TMEM108: variants seen among roughly 807,000 people sequenced by gnomAD.
The protein encoded by TMEM108 is cancer/testis antigen 124.
Under a neutral mutation model 35.1 loss-of-function variants are expected in TMEM108, and 12 were observed. The ratio of observed to expected loss-of-function variants is 0.34; its 90% CI spans 0.22 to 0.55. The LOEUF (loss-of-function observed/expected upper bound fraction) is 0.55, where lower values mean the gene tolerates loss of function less well. TMEM108 is among the 20% of genes least tolerant of loss of function. TMEM108 has a pLI of 0.89. For missense variants in TMEM108, 680 were observed against 753.3 expected (o/e 0.90, Z 1.14); for synonymous variants, 287 against 308.6 (o/e 0.93, Z 0.73).
Position 133,380,514 on chromosome 3 carries a change from C to T in TMEM108, c.803C>T (p.Thr268Ile). The T allele has an allele frequency of 6.2e-7, 1 of 1,613,942 alleles. No individual in the cohort carries two copies. Among genetic ancestry groups the T allele is most frequent in the Non-Finnish European group, 8.5e-7 (1 of 1,179,980 alleles). ...AGCAATACCTCATGGGCACCCACCA[C>T]CACCTCCCTGGGGCCTGCAAAGGAC... ...VPSNTSWAPT[T>I]TSLGPAKDKP... Residue 268 changes from threonine (T) to isoleucine (I), a missense_variant, in exon 4 of 6, where the codon ACC (threonine) becomes ATC (isoleucine). Physicochemically the swap from Thr to Ile is moderately conservative, Grantham distance 89. Transcript: ENST00000321871. This position sits in a 1 kb window ranked among gnomAD's most constrained non-coding sequence, Gnocchi z 5.3.
At chr3:133,104,190 G>A (rs1944122232) in intron 2 of TMEM108, among the ~76,000 whole-genome samples, 1 of 151,934 alleles carries the variant, frequency 6.6e-6, no homozygotes, top group African/African-American at 2.4e-5. Context: ...CTATAAAATG[G>A]GATGATAATA....
chr3:133,089,725 G>A (rs940172175), intron 2 of TMEM108, among the ~76,000 whole-genome samples: 2 of 152,180 alleles, frequency 1.3e-5, no homozygotes, highest in East Asian at 1.9e-4. Context: ...GCTATCTCTT[G>A]TTTTCTGATT....
intron 3 of TMEM108, among the ~76,000 whole-genome samples, chr3:133,324,279 A>C (rs1441694383): frequency 6.6e-6 from 1 of 152,246 alleles, no homozygotes; most frequent in African/African-American, 2.4e-5. Flanking sequence ...TGCATCTGAC[A>C]AAGGACTACT....
chr3:133,125,426 A>G (rs1944402650), intron 2 of TMEM108, among the ~76,000 whole-genome samples: 1 of 152,172 alleles, frequency 6.6e-6, no homozygotes, highest in African/African-American at 2.4e-5. Context: ...GCTTTTAGCA[A>G]ATGTTGAACC....
intron 2 of TMEM108, among the ~76,000 whole-genome samples, chr3:133,111,843 A>C (rs1944228732): frequency 6.6e-6 from 1 of 152,146 alleles, no homozygotes; most frequent in Non-Finnish European, 1.5e-5. Context: ...GACTGTCATC[A>C]GTAAATGGAG....
chr3:133,300,983 C>CGT (rs1947215726), intron 3 of TMEM108, among the ~76,000 whole-genome samples: 3 of 1,402 alleles, frequency 2.1e-3, no homozygotes, highest in African/African-American at 2.5e-3. Context: ...AGTACACACA[C>CGT]ACACACACAC....
chr3:133,088,440 G>C (rs952931877), intron 2 of TMEM108, among the ~76,000 whole-genome samples: 1 of 152,232 alleles, frequency 6.6e-6, no homozygotes, highest in African/African-American at 2.4e-5. Flanking sequence ...GAAAGAGCAT[G>C]TGGGGTGGTA....
chr3:133,156,359 T>A (rs1576349891), intron 2 of TMEM108, among the ~76,000 whole-genome samples: 1 of 152,140 alleles, frequency 6.6e-6, no homozygotes, highest in Admixed American at 6.5e-5. Flanking sequence ...ACATGTATAG[T>A]ATATAGGAAG....
intron 2 of TMEM108, among the ~76,000 whole-genome samples, chr3:133,098,078 T>A (rs898345757): frequency 6.6e-6 from 1 of 152,158 alleles, no homozygotes. Context: ...GCAGCTTGTA[T>A]TAGTTCTTTT....
chr3:133,243,627 TCTC>T (rs753100244), intron 3 of TMEM108, among the ~76,000 whole-genome samples: 1 of 151,896 alleles, frequency 6.6e-6, no homozygotes, highest in Non-Finnish European at 1.5e-5. Context: ...TTCACGCCAT[TCTC>T]CTGCCTCAGC....
intron 2 of TMEM108, among the ~76,000 whole-genome samples, chr3:133,119,772 T>C (rs1944330330): frequency 6.6e-6 from 1 of 152,252 alleles, no homozygotes; most frequent in African/African-American, 2.4e-5. Flanking sequence ...TTTTAAAAAC[T>C]TGCCCATAAT....
At chr3:133,047,371 A>T (rs1425147229) in intron 2 of TMEM108, among the ~76,000 whole-genome samples, 2 of 152,248 alleles carry the variant, frequency 1.3e-5, no homozygotes. Flanking sequence ...CAGAAATAGC[A>T]CTTGGCTGGT....
At chr3:133,078,164 C>T (rs758570764) in intron 2 of TMEM108, among the ~76,000 whole-genome samples, 3,578 of 30,344 alleles carry the variant, frequency 0.12, 67 homozygotes, top group African/African-American at 0.14. Context: ...TGTGTGCACG[C>T]GCGCGCGCGC....
At chr3:133,084,199 C>T (rs746749394) in intron 2 of TMEM108, among the ~76,000 whole-genome samples, 8 of 152,106 alleles carry the variant, frequency 5.3e-5, no homozygotes, top group Non-Finnish European at 1.2e-4. Context: ...GTGTATTCAG[C>T]TTCAACATTT....
At chr3:133,069,432 C>G (rs1943650088) in intron 2 of TMEM108, among the ~76,000 whole-genome samples, 1 of 152,116 alleles carries the variant, frequency 6.6e-6, no homozygotes, top group African/African-American at 2.4e-5. Flanking sequence ...CTCAGGACTC[C>G]TTCGTTTCAG....
chr3:133,185,779 CTTTT>C (rs1945410187), intron 2 of TMEM108, among the ~76,000 whole-genome samples: 2 of 89,944 alleles, frequency 2.2e-5, no homozygotes, highest in African/African-American at 9.5e-5. Flanking sequence ...CTTTTCTTTT[CTTTT>C]CTTTTTTTTT....
At chr3:133,162,920 G>A (rs1944982046) in intron 2 of TMEM108, among the ~76,000 whole-genome samples, 1 of 152,194 alleles carries the variant, frequency 6.6e-6, no homozygotes, top group African/African-American at 2.4e-5. Context: ...ACAGTTTGCT[G>A]GGTATGTGGT....
At position 133,387,608 on chromosome 3, in the gene TMEM108, A is replaced by G. The variant is rs563864678; in HGVS notation, c.1451-2572A>G. 16 of 908,176 alleles carry G rather than the reference A, an allele frequency of 1.8e-5. No individual in the cohort carries two copies. The East Asian group carries it at 1.8e-3, about 101-fold the overall frequency. 56.3% of individuals were successfully genotyped at this position (908,176 alleles called of 1,614,324 possible). A position where few individuals can be genotyped will look rare whatever the true frequency, so the allele number is the denominator to read the frequency against. On this transcript the variant is annotated intron_variant, in intron 4 of 5. Transcript: ENST00000321871. ...CAGGTTAGCAGCATGGCCTTGAGCA[A>G]GTTCACCTCTCTAGGTTTCCATGCC...
intron 3 of TMEM108, among the ~76,000 whole-genome samples, chr3:133,318,735 G>A (rs1329134613): frequency 1.3e-5 from 2 of 152,136 alleles, no homozygotes; most frequent in South Asian, 2.1e-4. Flanking sequence ...ACTTAAGAGG[G>A]GGAGTTCTGG....
Sources: allele counts gnomAD v4.1 joint callset (sites outside exome capture counted in the v4.1 genomes callset), GRCh38; gene constraint gnomAD v4.1.1; non-coding constraint Gnocchi (gnomAD v3.1); transcripts MANE v1.5; gene names NCBI Gene and HGNC (gene_info 2026-07-23, HGNC 2026-07-21).